SGCZ: variants seen among roughly 807,000 people sequenced by gnomAD.
The protein encoded by SGCZ is zeta-sarcoglycan.
Under a neutral mutation model 41.3 loss-of-function variants are expected in SGCZ, and 40 were observed. That is an observed-to-expected ratio of 0.97 (90% CI 0.75 to 1.26). The LOEUF (loss-of-function observed/expected upper bound fraction) is 1.26. SGCZ is among the 50% of genes most tolerant of loss of function. SGCZ has a pLI of 0.00. For synonymous variants in SGCZ, 206 were observed against 137.5 expected, an observed-to-expected ratio of 1.50 and a Z score of -3.49; for missense variants, 552 against 369.8, an observed-to-expected ratio of 1.49 and a Z score of -4.04.
At chr8:14,704,809 C>A (rs1809278668) in intron 1 of SGCZ, among the ~76,000 whole-genome samples, 3 of 151,862 alleles carry the variant, frequency 2.0e-5, no homozygotes, top group South Asian at 4.1e-4. Context: ...CAAACAACAA[C>A]AACAACAAAA....
At chr8:14,851,789 T>C (rs919538317) in intron 1 of SGCZ, among the ~76,000 whole-genome samples, 1 of 152,134 alleles carries the variant, frequency 6.6e-6, no homozygotes, top group East Asian at 1.9e-4. Flanking sequence ...GCGAATACTT[T>C]CCAGGGAATC....
chr8:14,558,926 G>A (rs973662113), intron 1 of SGCZ, among the ~76,000 whole-genome samples: 1 of 151,906 alleles, frequency 6.6e-6, no homozygotes, highest in Non-Finnish European at 1.5e-5. Context: ...GACAAAATTA[G>A]CATCCCTTTA....
At chr8:14,490,987 T>G (rs1353300176) in intron 2 of SGCZ, among the ~76,000 whole-genome samples, 1 of 152,212 alleles carries the variant, frequency 6.6e-6, no homozygotes, top group African/African-American at 2.4e-5. Flanking sequence ...TTAAAAACCT[T>G]GAAAATTATT....
At chr8:14,800,455 A>C (rs1186844240) in intron 1 of SGCZ, among the ~76,000 whole-genome samples, 1 of 152,182 alleles carries the variant, frequency 6.6e-6, no homozygotes, top group African/African-American at 2.4e-5. Flanking sequence ...GAATTTCATT[A>C]GCTACTTGAT....
intron 2 of SGCZ, among the ~76,000 whole-genome samples, chr8:14,480,737 G>A (rs1801513441): frequency 6.6e-6 from 1 of 151,712 alleles, no homozygotes; most frequent in South Asian, 2.1e-4. Flanking sequence ...TCTTTATAAT[G>A]ACAATAAAGA....
intron 3 of SGCZ, among the ~76,000 whole-genome samples, chr8:14,293,784 C>T (rs1039922853): frequency 6.6e-6 from 1 of 151,662 alleles, no homozygotes; most frequent in Non-Finnish European, 1.5e-5. Flanking sequence ...CAACTTTGTC[C>T]CTTTTTAGCA....
chr8:14,675,882 T>C (rs1409457252), intron 1 of SGCZ, among the ~76,000 whole-genome samples: 2 of 152,186 alleles, frequency 1.3e-5, no homozygotes, highest in African/African-American at 4.8e-5. Context: ...TTATTCTTGC[T>C]GAGTTTGGAG....
intron 2 of SGCZ, among the ~76,000 whole-genome samples, chr8:14,497,394 C>A (rs912578229): frequency 1.3e-5 from 2 of 152,092 alleles, no homozygotes; most frequent in African/African-American, 4.8e-5. Flanking sequence ...ACTAATGGAG[C>A]AAGAACTCAC....
intron 5 of SGCZ, among the ~76,000 whole-genome samples, chr8:14,145,629 T>A (rs1209718218): frequency 6.6e-6 from 1 of 152,156 alleles, no homozygotes; most frequent in African/African-American, 2.4e-5. Flanking sequence ...CGGTCACACG[T>A]AACAGAGATA....
At position 14,492,398 on chromosome 8, in the gene SGCZ, T is replaced by C. The variant is rs189079666; in HGVS notation, c.234+62334A>G. On this transcript the variant is annotated intron_variant, in intron 2 of 7. Coordinates refer to ENST00000382080, the MANE Select transcript of SGCZ (RefSeq NM_139167.4). ...AAGTTAATTACTGCACAGTGCTTAT[T>C]ATAACACTTAAACCTGGAAGAAAAT... Among the ~76,000 whole-genome samples the C allele has an allele frequency of 4.6e-5, 7 of 152,286 alleles. No individual in the cohort carries two copies. In the East Asian group the frequency reaches 1.4e-3, roughly 29 times the overall value.
chr8:15,071,888 C>T (rs1439336661), intron 1 of SGCZ, among the ~76,000 whole-genome samples: 1 of 152,092 alleles, frequency 6.6e-6, no homozygotes, highest in African/African-American at 2.4e-5. Flanking sequence ...CTCATCTGGG[C>T]CTCCCACAGG....
intron 1 of SGCZ, among the ~76,000 whole-genome samples, chr8:14,884,460 G>T (rs1016036757): frequency 2.0e-5 from 3 of 151,818 alleles, no homozygotes; most frequent in African/African-American, 7.3e-5. Context: ...CTCATTCTTA[G>T]ACATTGCCCT....
chr8:14,462,076 A>G (rs1190856726), intron 2 of SGCZ, among the ~76,000 whole-genome samples: 1 of 152,058 alleles, frequency 6.6e-6, no homozygotes, highest in Non-Finnish European at 1.5e-5. Context: ...TTATCTCCTT[A>G]AAATATCATT....
At chr8:14,410,568 A>G (rs2117274932) in intron 2 of SGCZ, among the ~76,000 whole-genome samples, 1 of 151,744 alleles carries the variant, frequency 6.6e-6, no homozygotes, top group African/African-American at 2.4e-5. Context: ...AGTTCTACAC[A>G]TGGACACAGG....
chr8:14,263,305 T>G (rs1799739781), intron 3 of SGCZ, among the ~76,000 whole-genome samples: 1 of 152,142 alleles, frequency 6.6e-6, no homozygotes, highest in Admixed American at 6.6e-5. Flanking sequence ...TCCCAGCACT[T>G]TGGGAGGCTG....
At chr8:14,325,545 A>C (rs1476649991) in intron 2 of SGCZ, among the ~76,000 whole-genome samples, 2 of 147,636 alleles carry the variant, frequency 1.4e-5, no homozygotes, top group African/African-American at 4.9e-5. Context: ...ATCATATATA[A>C]TAGATTATAT....
intron 1 of SGCZ, among the ~76,000 whole-genome samples, chr8:15,088,055 C>T (rs2131057397): frequency 6.6e-6 from 1 of 152,142 alleles, no homozygotes; most frequent in South Asian, 2.1e-4. Context: ...AAGTGTGTCT[C>T]AAATCACCAA....
At chr8:14,524,276 T>C (rs1228255383) in intron 2 of SGCZ, among the ~76,000 whole-genome samples, 1 of 152,006 alleles carries the variant, frequency 6.6e-6, no homozygotes, top group Non-Finnish European at 1.5e-5. Context: ...GCTGCCTTAC[T>C]GATTCCTGGC....
At chr8:15,034,831 G>C (rs1248784540) in intron 1 of SGCZ, among the ~76,000 whole-genome samples, 1 of 152,134 alleles carries the variant, frequency 6.6e-6, no homozygotes, top group Non-Finnish European at 1.5e-5. Context: ...GGACAAAACT[G>C]TCAACCAAGA....
Sources: gnomAD v4.1 joint callset for allele counts (sites outside exome capture counted in the v4.1 genomes callset) on GRCh38, gnomAD v4.1.1 for gene constraint, MANE v1.5 for transcripts, NCBI Gene and HGNC (gene_info 2026-07-23, HGNC 2026-07-21) for gene names.